Variants in VEGFA observed in about 807,000 individuals in gnomAD.
The protein encoded by VEGFA is vascular endothelial growth factor A, long form.
In VEGFA, 20 loss-of-function variants were observed where a neutral mutation model predicts 49.7. That is an observed-to-expected ratio of 0.40 (90% confidence interval 0.28 to 0.58). The LOEUF is 0.58. Among genes scored for constraint, VEGFA ranks in the 20% least tolerant of loss-of-function variants. The pLI, the probability that VEGFA is intolerant of heterozygous loss-of-function variation, is 0.40. For synonymous variants in VEGFA, 219 were observed against 223.4 expected (o/e 0.98, Z 0.18); for missense variants, 505 against 553.5 (o/e 0.91, Z 0.88).
chr6:43,778,229 C>T, intron 3 of VEGFA: 4 of 602,456 alleles, frequency 6.6e-6, no homozygotes, highest in Non-Finnish European at 1.2e-5. Context: ...ACCCTTGCAG[C>T]CATGTCTTGG....
chr6:43,783,568 T>G (rs1768636178), intron 7 of VEGFA: 2 of 152,624 alleles, frequency 1.3e-5, no homozygotes, highest in South Asian at 2.1e-4. Flanking sequence ...ATTATTCTGC[T>G]GATGGGGGTT....
Position 43,770,622 on chromosome 6 carries a change from C to A in VEGFA, c.-85C>A. 1.4e-6 allele frequency: 2 copies of A among 1,462,552 alleles called. No individual in the cohort carries two copies. Among genetic ancestry groups the A allele is most frequent in the South Asian group, 1.4e-5 (1 of 73,902 alleles). 90.6% of individuals were successfully genotyped at this position (1,462,552 alleles called of 1,614,324 possible). A position where few individuals can be genotyped will look rare whatever the true frequency, so the allele number is the denominator to read the frequency against. On this transcript the variant is annotated 5_prime_UTR_variant, in exon 1 of 8. Transcript: ENST00000672860. ...GTGCGAGCAGCGAAAGCGACAGGGGCAAAGTGAGTGACCTGCTTTTGGGGG... is the reference window on the plus strand; with the variant it reads ...GTGCGAGCAGCGAAAGCGACAGGGGAAAAGTGAGTGACCTGCTTTTGGGGG...
chr6:43,779,445 G>T (rs1341628039), intron 5 of VEGFA: 2 of 341,040 alleles, frequency 5.9e-6, no homozygotes, highest in African/African-American at 2.1e-5. Context: ...TTGAATGTTG[G>T]TCATTTTCAG....
At chr6:43,781,237 G>A in intron 6 of VEGFA, 1 of 363,364 alleles carries the variant, frequency 2.8e-6, no homozygotes, top group Non-Finnish European at 5.3e-6. Flanking sequence ...ATGACTGGAG[G>A]CAGCTTGCTG....
At chr6:43,772,894 GAGA>G (rs942039897) in intron 1 of VEGFA, among the ~76,000 whole-genome samples, 15 of 152,326 alleles carry the variant, frequency 9.8e-5, no homozygotes, top group Admixed American at 2.0e-4. Flanking sequence ...GAGGCCCCCA[GAGA>G]AGGACACCTG....
rs756785517 is a variant in VEGFA at position 43,780,210 on chromosome 6, C to T, written c.963-522C>T. 2.6e-4 allele frequency: 57 copies of T among 217,730 alleles called. No homozygotes were observed. In the East Asian group the frequency reaches 2.9e-3, roughly 11 times the overall value. The allele number at this position is 217,730 out of a possible 1,614,324, so 13.5% of individuals were successfully genotyped here. A position where few individuals can be genotyped will look rare whatever the true frequency, so the allele number is the denominator to read the frequency against. On this transcript the variant is annotated intron_variant, in intron 5 of 7. Coordinates refer to ENST00000672860, the MANE Select transcript of VEGFA (RefSeq NM_003376.6). The stretch of plus-strand genomic sequence containing the variant: ...ACACCGGGATTCCCAGAGGTTCTGT[C>T]GCAGTTGCAAATGAAGGCACAAGGC...
intron 2 of VEGFA, chr6:43,774,776 T>C (rs1764774808): frequency 2.8e-6 from 1 of 352,020 alleles, no homozygotes; most frequent in South Asian, 3.2e-5. Flanking sequence ...ACATGTCCCA[T>C]TTGTGGGAAC....
intron 7 of VEGFA, 175 bp downstream of exon 7, chr6:43,782,262 C>A: frequency 1.0e-6 from 1 of 992,554 alleles, no homozygotes; most frequent in Non-Finnish European, 1.5e-6. Context: ...TTTTAAGGCC[C>A]CTGTGGTGGG....
chr6:43,779,705 A>G (rs759479862), intron 5 of VEGFA: 1 of 470,294 alleles, frequency 2.1e-6, no homozygotes, highest in South Asian at 1.5e-5. Flanking sequence ...CCCAGCTTCC[A>G]GAGCGAGGGG....
intron 5 of VEGFA, chr6:43,779,630 C>T: frequency 2.2e-6 from 1 of 455,732 alleles, no homozygotes; most frequent in South Asian, 1.6e-5. Flanking sequence ...ATCTTGTCTG[C>T]CTCCAGTGCT....
In VEGFA at chr6:43,770,630, G is replaced by C; in HGVS notation, c.-77G>C. 1.4e-6 allele frequency: 2 copies of C among 1,473,578 alleles called. No individual in the cohort carries two copies. Among genetic ancestry groups the C allele is most frequent in the Non-Finnish European group, 1.8e-6 (2 of 1,122,054 alleles). 91.3% of individuals were successfully genotyped at this position (1,473,578 alleles called of 1,614,324 possible). Reference sequence around the variant, plus strand: ...AGCGAAAGCGACAGGGGCAAAGTGAGTGACCTGCTTTTGGGGGTGACCGCC... The same window carrying C: ...AGCGAAAGCGACAGGGGCAAAGTGACTGACCTGCTTTTGGGGGTGACCGCC... On this transcript the variant is annotated 5_prime_UTR_variant, in exon 1 of 8. Transcript: ENST00000672860.
Position 43,785,600 on chromosome 6 carries a change from A to G in VEGFA, c.*1038A>G. On this transcript the variant is annotated 3_prime_UTR_variant, in exon 8 of 8. Transcript: ENST00000672860. Reference sequence around the variant, plus strand: ...TCCCCTTCCTGGGGTGCAGCCTAAAAGGACCTATGTCCTCACACCATTGAA... The same window carrying G: ...TCCCCTTCCTGGGGTGCAGCCTAAAGGGACCTATGTCCTCACACCATTGAA... The G allele has an allele frequency of 4.9e-6, 1 of 204,266 alleles. No homozygotes were observed. The allele number at this position is 204,266 out of a possible 1,614,324, so 12.7% of individuals were successfully genotyped here.
At chr6:43,783,806 A>C (rs1007179907) in intron 7 of VEGFA, 7 of 152,538 alleles carry the variant, frequency 4.6e-5, no homozygotes, top group African/African-American at 1.7e-4. Context: ...CTTCAGCTGG[A>C]GTAGTGAAGC....
Position 43,770,821 on chromosome 6 carries a change from G to T in VEGFA, c.115G>T (p.Gly39Ter). The change falls in exon 1 of 8, where the codon GGA becomes TGA. Residue 39 changes from glycine to a stop codon, truncating the protein, a stop_gained. Coordinates refer to ENST00000672860, the MANE Select transcript of VEGFA (RefSeq NM_003376.6). LOFTEE classifies it high-confidence loss of function. The stretch of plus-strand genomic sequence containing the variant: ...CGGGCAGGGGCCGGAGCCCGCGCCC[G>T]GAGGCGGGGTGGAGGGGGTCGGGGC... The T allele has an allele frequency of 6.6e-7, 1 of 1,513,918 alleles. No homozygotes were observed. Among genetic ancestry groups the T allele is most frequent in the East Asian group, 2.7e-5 (1 of 36,696 alleles). 93.8% of individuals were successfully genotyped at this position (1,513,918 alleles called of 1,614,324 possible). A position where few individuals can be genotyped will look rare whatever the true frequency, so the allele number is the denominator to read the frequency against.
At chr6:43,778,351 C>A in intron 3 of VEGFA, 109 bp from the exon 4 acceptor site, 3 of 935,794 alleles carry the variant, frequency 3.2e-6, no homozygotes, top group Non-Finnish European at 5.2e-6. Flanking sequence ...CCACCCATCC[C>A]TGCTCTGCAG....
rs1561990849 is a variant in VEGFA at position 43,777,970 on chromosome 6, C to T, written c.855+305C>T. 2.1e-6 allele frequency: 1 copy of T among 485,936 alleles called. No homozygotes were observed. Among genetic ancestry groups the T allele is most frequent in the Admixed American group, 3.5e-5 (1 of 28,258 alleles). 30.1% of individuals were successfully genotyped at this position (485,936 alleles called of 1,614,324 possible). A position where few individuals can be genotyped will look rare whatever the true frequency, so the allele number is the denominator to read the frequency against. On this transcript the variant is annotated intron_variant, in intron 3 of 7. Coordinates refer to ENST00000672860, the MANE Select transcript of VEGFA (RefSeq NM_003376.6). This position sits in a 1 kb window ranked among gnomAD's most constrained non-coding sequence, Gnocchi z 4.3. ...TCTCTTGGAGAGAGTCCTGAGTGCCCCCCCTTCTTGGGGGCTTTGTTTGGG... is the reference window on the plus strand; with the variant it reads ...TCTCTTGGAGAGAGTCCTGAGTGCCTCCCCTTCTTGGGGGCTTTGTTTGGG...
chr6:43,781,843 C>T lies in VEGFA; in HGVS notation c.1035-113C>T, dbSNP rs952748724. On this transcript the variant is annotated intron_variant, in intron 6 of 7. Transcript: ENST00000672860. ...ATCCTTCCAGGGCCTGGGGGCTGAC[C>T]GGCTGGGTGGGGGTGCAGCTGCGGA... The T allele has an allele frequency of 1.7e-5, 25 of 1,431,054 alleles. No individual in the cohort carries two copies. The East Asian group carries it at 2.6e-4, about 15-fold the overall frequency. 88.6% of individuals were successfully genotyped at this position (1,431,054 alleles called of 1,614,324 possible).
Position 43,777,773 on chromosome 6 carries a change from C to A in VEGFA, c.855+108C>A. On this transcript the variant is annotated intron_variant, in intron 3 of 7. Coordinates refer to ENST00000672860, the MANE Select transcript of VEGFA (RefSeq NM_003376.6). This position sits in a 1 kb window ranked among gnomAD's most constrained non-coding sequence, Gnocchi z 4.3. ...TGGCTAGATTTGCCTTGTCTGGCTC[C>A]TGCCCCTGAGTTGCACAGGGGAGGT... is the stretch of plus-strand genomic sequence containing the variant. 1 of 1,272,616 alleles carries A rather than the reference C, an allele frequency of 7.9e-7. No homozygotes were observed. The highest frequency in any genetic ancestry group is 2.1e-5 in the Admixed American group (1 of 48,002). The allele number at this position is 1,272,616 out of a possible 1,614,324, so 78.8% of individuals were successfully genotyped here.
At position 43,782,064 on chromosome 6, in the gene VEGFA, T is replaced by C; in HGVS notation, c.1143T>C (p.Leu381=). ...ACTCGCGTTGCAAGGCGAGGCAGCT[T>C]GAGTTAAACGAACGTACTTGCAGGT... Residue 381 remains leucine (L), a synonymous_variant, in exon 7 of 8, where the codon CTT becomes CTC. Coordinates refer to ENST00000672860, the MANE Select transcript of VEGFA (RefSeq NM_003376.6). 6.2e-7 allele frequency: 1 copy of C among 1,613,916 alleles called. No homozygotes were observed.
Sources: gnomAD v4.1 joint callset for allele counts (sites outside exome capture counted in the v4.1 genomes callset) on GRCh38, gnomAD v4.1.1 for gene constraint, Gnocchi (gnomAD v3.1) non-coding constraint, MANE v1.5 for transcripts, NCBI Gene and HGNC (gene_info 2026-07-23, HGNC 2026-07-21) for gene names.